Variants in LEKR1 observed in about 807,000 individuals in gnomAD.
LEKR1 encodes the protein protein LEKR1.
Under a neutral mutation model 72.4 loss-of-function variants are expected in LEKR1, and 59 were observed. The observed-to-expected ratio is 0.82, with a 90% CI of 0.66 to 1.01. The LOEUF (loss-of-function observed/expected upper bound fraction) is 1.01, where lower values mean the gene tolerates loss of function less well. LEKR1 is among the 50% of genes least tolerant of loss of function. The probability of loss-of-function intolerance (pLI) is 0.00; values close to 1 mark genes in which losing one functional copy is unlikely to be tolerated. For missense variants in LEKR1, 728 were observed against 759.2 expected (o/e 0.96, Z 0.48); for synonymous variants, 257 against 263.2 (o/e 0.98, Z 0.23).
At chr3:156,974,796 C>A (rs969248521) in intron 6 of LEKR1, among the ~76,000 whole-genome samples, 2 of 152,040 alleles carry the variant, frequency 1.3e-5, no homozygotes, top group African/African-American at 2.4e-5. Flanking sequence ...CCATAGTTAA[C>A]AAGTTTTAAA....
At chr3:156,957,398 G>T (rs1727743179) in intron 6 of LEKR1, among the ~76,000 whole-genome samples, 1 of 151,868 alleles carries the variant, frequency 6.6e-6, no homozygotes, top group Non-Finnish European at 1.5e-5. Flanking sequence ...AATTTTAGGT[G>T]ATGGAAAGGA....
intron 3 of LEKR1, among the ~76,000 whole-genome samples, chr3:156,899,615 CAT>C (rs768561690): frequency 1.5e-4 from 13 of 85,492 alleles, no homozygotes; most frequent in South Asian, 1.1e-3. Context: ...TATATACACA[CAT>C]ATATACACAT....
At chr3:157,000,461 T>C (rs1456134546) in intron 9 of LEKR1, among the ~76,000 whole-genome samples, 1 of 152,066 alleles carries the variant, frequency 6.6e-6, no homozygotes, top group Non-Finnish European at 1.5e-5. Context: ...ATAGAGTAAA[T>C]CCCAACTTGA....
intron 6 of LEKR1, among the ~76,000 whole-genome samples, chr3:156,970,128 A>C (rs1405619773): frequency 3.3e-5 from 5 of 152,240 alleles, no homozygotes; most frequent in African/African-American, 1.2e-4. Flanking sequence ...ATCTCAAAAT[A>C]ATAAGAGCTA....
intron 3 of LEKR1, among the ~76,000 whole-genome samples, chr3:156,864,567 G>T (rs1238060811): frequency 6.6e-6 from 1 of 151,822 alleles, no homozygotes; most frequent in Non-Finnish European, 1.5e-5. Flanking sequence ...AAATTACCTG[G>T]ACTTACTGCT....
intron 3 of LEKR1, among the ~76,000 whole-genome samples, chr3:156,856,683 G>T (rs1056479147): frequency 6.6e-6 from 1 of 151,978 alleles, no homozygotes; most frequent in Admixed American, 6.6e-5. Context: ...ACATATTTTT[G>T]TTGCTTTTGG....
chr3:156,905,514 G>A (rs1339764611), intron 3 of LEKR1, among the ~76,000 whole-genome samples: 1 of 152,110 alleles, frequency 6.6e-6, no homozygotes, highest in African/African-American at 2.4e-5. Context: ...ATACACTTGT[G>A]TGTTAGTGAC....
chr3:157,020,030 C>T (rs1029043443), intron 10 of LEKR1, among the ~76,000 whole-genome samples: 1 of 152,110 alleles, frequency 6.6e-6, no homozygotes, highest in Admixed American at 6.6e-5. Context: ...TCATTCTTCT[C>T]CCTTTTGTCT....
chr3:156,912,143 T>A lies in LEKR1; in HGVS notation c.264-8432T>A, dbSNP rs550283268. Among the ~76,000 whole-genome samples, 5 of 152,280 alleles carry A rather than the reference T, an allele frequency of 3.3e-5. No individual in the cohort carries two copies. The South Asian group carries it at 8.3e-4, about 25-fold the overall frequency. On this transcript the variant is annotated intron_variant, in intron 3 of 12. Coordinates refer to ENST00000356539, the MANE Select transcript of LEKR1 (RefSeq NM_001004316.3). ...ATCATTGTAATTTCTTTCAAAAAAA[T>A]TTTTTTATTTCAATAGCTTTTGAGA...
intron 12 of LEKR1, among the ~76,000 whole-genome samples, chr3:157,028,776 C>T (rs1235914329): frequency 6.6e-6 from 1 of 152,118 alleles, no homozygotes; most frequent in African/African-American, 2.4e-5. Flanking sequence ...TTTCTGCATA[C>T]ATTTAAAAAA....
At chr3:156,909,912 G>GTT (rs1277594955) in intron 3 of LEKR1, among the ~76,000 whole-genome samples, 20 of 151,924 alleles carry the variant, frequency 1.3e-4, no homozygotes, top group Non-Finnish European at 2.6e-4. Flanking sequence ...ACATATATAT[G>GTT]TTATCATTTT....
At position 156,848,298 on chromosome 3, in the gene LEKR1, A is replaced by G. The variant is rs144165493; in HGVS notation, c.49-4470A>G. Among the ~76,000 whole-genome samples, 7 of 152,340 alleles carry G rather than the reference A, an allele frequency of 4.6e-5. No homozygotes were observed. In the East Asian group the frequency reaches 5.8e-4, roughly 13 times the overall value. The stretch of plus-strand genomic sequence containing the variant: ...CTGAAGACATGCAGAGAGTAATAGG[A>G]TAATGCACAAATGCCATTTCATGTA... On this transcript the variant is annotated intron_variant, in intron 2 of 12. Coordinates refer to ENST00000356539, the MANE Select transcript of LEKR1 (RefSeq NM_001004316.3).
intron 6 of LEKR1, chr3:156,977,566 G>T: frequency 3.0e-6 from 1 of 336,980 alleles, no homozygotes; most frequent in South Asian, 3.1e-5. Flanking sequence ...AGGAAGCAGA[G>T]GATACACAGA....
intron 8 of LEKR1, 136 bp from the exon 9 acceptor site, chr3:156,992,938 C>CT (rs887116755): frequency 4.7e-4 from 249 of 530,448 alleles, no homozygotes; most frequent in African/African-American, 4.5e-3. Flanking sequence ...TAGAACCATT[C>CT]TTTTTTTAAA....
intron 3 of LEKR1, among the ~76,000 whole-genome samples, chr3:156,854,570 T>G (rs1294615650): frequency 2.0e-5 from 3 of 151,486 alleles, no homozygotes; most frequent in Admixed American, 6.6e-5. Context: ...GACAGGGTCT[T>G]TCTCTGTTGC....
intron 6 of LEKR1, among the ~76,000 whole-genome samples, chr3:156,974,708 G>GC (rs201697920): frequency 0.017 from 2,594 of 151,954 alleles, 75 homozygotes; most frequent in African/African-American, 0.059. Context: ...TGCCAGCAAC[G>GC]CCCCCCTCTA....
chr3:156,936,428 C>T (rs895135728), intron 5 of LEKR1, among the ~76,000 whole-genome samples: 2 of 76,754 alleles, frequency 2.6e-5, no homozygotes, highest in East Asian at 3.9e-4. Flanking sequence ...ACAATGAGAA[C>T]ACACACACAC....
intron 5 of LEKR1, among the ~76,000 whole-genome samples, chr3:156,929,877 G>A (rs1725048975): frequency 6.6e-6 from 1 of 152,112 alleles, no homozygotes; most frequent in Non-Finnish European, 1.5e-5. Context: ...TACTTTATGA[G>A]GTGATAATAT....
At chr3:156,877,852 G>A (rs1040570027) in intron 3 of LEKR1, among the ~76,000 whole-genome samples, 4 of 152,018 alleles carry the variant, frequency 2.6e-5, no homozygotes, top group East Asian at 1.9e-4. Context: ...GCACGATCTC[G>A]GCTCACTGCA....
Sources: gnomAD v4.1 joint callset for allele counts (sites outside exome capture counted in the v4.1 genomes callset) on GRCh38, gnomAD v4.1.1 for gene constraint, MANE v1.5 for transcripts, NCBI Gene and HGNC (gene_info 2026-07-23, HGNC 2026-07-21) for gene names.